The following ABAT variants were observed in gnomAD, a reference collection of about 807,000 sequenced individuals.
The protein encoded by ABAT is 4-aminobutyrate aminotransferase, mitochondrial.
Under a neutral mutation model 64.6 loss-of-function variants are expected in ABAT, and 45 were observed. The observed-to-expected ratio is 0.70, with a 90% CI of 0.55 to 0.89. The LOEUF (loss-of-function observed/expected upper bound fraction) is 0.89, where lower values mean the gene tolerates loss of function less well. Among genes scored for constraint, ABAT ranks in the 40% least tolerant of loss-of-function variants. The pLI, the probability that ABAT is intolerant of heterozygous loss-of-function variation, is 0.00. For missense variants in ABAT, 633 were observed against 658.4 expected (o/e 0.96, Z 0.42); for synonymous variants, 297 against 250.5 (o/e 1.19, Z -1.75).
intron 1 of ABAT, among the ~76,000 whole-genome samples, chr16:8,689,540 T>G (rs1462604352): frequency 6.6e-6 from 1 of 152,218 alleles, no homozygotes; most frequent in Non-Finnish European, 1.5e-5. Flanking sequence ...AACTTCTACC[T>G]TAAAGTGTAT....
Position 8,782,657 on chromosome 16 carries a change from G to A in ABAT, c.*1227G>A, listed in dbSNP as rs183287443. 6 of 152,390 alleles carry A rather than the reference G, an allele frequency of 3.9e-5. No individual in the cohort carries two copies. The highest frequency in any genetic ancestry group is 1.4e-4 in the African/African-American group (6 of 41,568). The allele number at this position is 152,390 out of a possible 1,614,324, so 9.4% of individuals were successfully genotyped here. A position where few individuals can be genotyped will look rare whatever the true frequency, so the allele number is the denominator to read the frequency against. On this transcript the variant is annotated 3_prime_UTR_variant, in exon 16 of 16. Coordinates refer to ENST00000268251, the MANE Select transcript of ABAT (RefSeq NM_020686.6). ...GCAGATGATACCGAAATGCTTAAAG[G>A]GGCTGTGGCTGAGGCTGTAGCATCT...
At chr16:8,730,814 T>A (rs2058696437) in intron 1 of ABAT, among the ~76,000 whole-genome samples, 1 of 152,216 alleles carries the variant, frequency 6.6e-6, no homozygotes, top group South Asian at 2.1e-4. Flanking sequence ...CCAGGACTCC[T>A]GAGCCAGATA....
intron 1 of ABAT, among the ~76,000 whole-genome samples, chr16:8,718,087 C>G (rs947350468): frequency 6.6e-6 from 1 of 152,214 alleles, no homozygotes; most frequent in Admixed American, 6.5e-5. Flanking sequence ...GGATAAGCCA[C>G]AACCCTCTCT....
chr16:8,722,175 C>T (rs2058391123), intron 1 of ABAT, among the ~76,000 whole-genome samples: 1 of 152,328 alleles, frequency 6.6e-6, no homozygotes, highest in Admixed American at 6.5e-5. Flanking sequence ...AGGCCTGGGG[C>T]TATAGCCTTG....
intron 1 of ABAT, among the ~76,000 whole-genome samples, chr16:8,675,478 C>G (rs535527600): frequency 6.6e-6 from 1 of 152,222 alleles, no homozygotes; most frequent in Admixed American, 6.5e-5. Flanking sequence ...CAAACCCCAT[C>G]CTAGTAACCC....
In ABAT at chr16:8,764,040, G is replaced by A. The variant is rs946173561; in HGVS notation, c.367-29G>A. Reference sequence around the variant, plus strand: ...AGGGAGCTGGGTCAGGCCCCCAGAAGTCACCATTTGTCTCTTGCCCTTTTG... The same window carrying A: ...AGGGAGCTGGGTCAGGCCCCCAGAAATCACCATTTGTCTCTTGCCCTTTTG... On this transcript the variant is annotated intron_variant, in intron 6 of 15. Transcript: ENST00000268251. This position sits in a 1 kb window ranked among gnomAD's most constrained non-coding sequence, Gnocchi z 4.2. 3.1e-6 allele frequency: 5 copies of A among 1,606,192 alleles called. No individual in the cohort carries two copies. The African/African-American group carries it at 6.7e-5, about 21-fold the overall frequency.
intron 1 of ABAT, among the ~76,000 whole-genome samples, chr16:8,726,536 C>T (rs752812769): frequency 1.5e-4 from 23 of 152,094 alleles, no homozygotes; most frequent in African/African-American, 4.1e-4. Flanking sequence ...TGAGCCACTG[C>T]GCTGAATAGT....
intron 1 of ABAT, among the ~76,000 whole-genome samples, chr16:8,719,045 G>C (rs776151343): frequency 6.6e-5 from 10 of 152,254 alleles, no homozygotes; most frequent in Admixed American, 5.9e-4. Flanking sequence ...TTCTCTGAAC[G>C]GGAAGTGCGT....
chr16:8,740,738 G>T (rs2059140315), intron 2 of ABAT, among the ~76,000 whole-genome samples: 1 of 152,234 alleles, frequency 6.6e-6, no homozygotes, highest in Non-Finnish European at 1.5e-5. Flanking sequence ...TTGGTAAATA[G>T]AATACAGAGA....
intron 1 of ABAT, among the ~76,000 whole-genome samples, chr16:8,717,910 C>T (rs906052727): frequency 7.2e-5 from 11 of 152,022 alleles, no homozygotes; most frequent in Non-Finnish European, 1.6e-4. Flanking sequence ...TCACCTTGGC[C>T]TCCCAACATG....
intron 3 of ABAT, among the ~76,000 whole-genome samples, 156 bp from the exon 4 acceptor site, chr16:8,747,923 GTAATGGAATAGTTTCCTGCCAACTATTTA>G (rs2059379133): frequency 6.6e-6 from 1 of 152,100 alleles, no homozygotes; most frequent in African/African-American, 2.4e-5. Context: ...ATTTAAGCGT[GTAATGGAATAGTTTCCTGCCAACTATTTA>G]TATCAAGTAA....
At position 8,735,709 on chromosome 16, in the gene ABAT, C is replaced by G. The variant is rs745997771; in HGVS notation, c.-31C>G. 1.1e-5 allele frequency: 17 copies of G among 1,573,724 alleles called. No homozygotes were observed. In the South Asian group the frequency reaches 2.0e-4, roughly 18 times the overall value. On this transcript the variant is annotated 5_prime_UTR_variant, in exon 2 of 16. Transcript: ENST00000268251. ...TCTGGTTTCTTTCAGGGTGGCAGCA[C>G]GCAAAGGGTGTCCCTGTCCCTCAAG... is the stretch of plus-strand genomic sequence containing the variant.
chr16:8,774,714 A>C (rs1400954707), intron 12 of ABAT, among the ~76,000 whole-genome samples, 176 bp from the exon 13 acceptor site: 1 of 152,108 alleles, frequency 6.6e-6, no homozygotes, highest in East Asian at 1.9e-4. Flanking sequence ...GCTCAGCTTA[A>C]GTGTTTTGAT....
intron 11 of ABAT, among the ~76,000 whole-genome samples, chr16:8,770,036 TAATGCAAGCCACATATGTAA>T (rs1325725501): frequency 1.3e-5 from 2 of 152,192 alleles, no homozygotes; most frequent in African/African-American, 4.8e-5. Flanking sequence ...AATAGAAATA[TAATGCAAGCCACATATGTAA>T]TTATAGCTTT....
At position 8,707,318 on chromosome 16, in the gene ABAT, C is replaced by T. The variant is rs531354371; in HGVS notation, c.-41-28381C>T. On this transcript the variant is annotated intron_variant, in intron 1 of 15. Transcript: ENST00000268251. ...CCTCCCACCTCAGCCTACCTTGTAGCTGGGACTATAGGCACACACTACCAT... is the reference window on the plus strand; with the variant it reads ...CCTCCCACCTCAGCCTACCTTGTAGTTGGGACTATAGGCACACACTACCAT... Among the ~76,000 whole-genome samples, 3 of 150,262 alleles carry T rather than the reference C, an allele frequency of 2.0e-5. No individual in the cohort carries two copies. The East Asian group carries it at 5.9e-4, about 30-fold the overall frequency.
At chr16:8,684,326 G>A (rs1242436066) in intron 1 of ABAT, among the ~76,000 whole-genome samples, 6 of 152,226 alleles carry the variant, frequency 3.9e-5, no homozygotes, top group East Asian at 1.9e-4. Context: ...CAATCCCAGC[G>A]CTTTGAGAGG....
Position 8,722,988 on chromosome 16 carries a change from C to T in ABAT, c.-41-12711C>T, listed in dbSNP as rs1567285616. On this transcript the variant is annotated intron_variant, in intron 1 of 15. Coordinates refer to ENST00000268251, the MANE Select transcript of ABAT (RefSeq NM_020686.6). ...GCAAGGTGGCTCATGCCTGTAATTC[C>T]AGCACTCTGGGAGGCCGAGGGATCA... 5 of 682,774 alleles carry T rather than the reference C, an allele frequency of 7.3e-6. No homozygotes were observed. The South Asian group carries it at 8.1e-5, about 11-fold the overall frequency. The allele number at this position is 682,774 out of a possible 1,614,324, so 42.3% of individuals were successfully genotyped here.
At chr16:8,677,627 C>A (rs1449051947) in intron 1 of ABAT, among the ~76,000 whole-genome samples, 1 of 152,102 alleles carries the variant, frequency 6.6e-6, no homozygotes, top group African/African-American at 2.4e-5. Context: ...TTCAGCAGCG[C>A]CTCTGGTCTC....
chr16:8,705,009 G>A (rs1376453014), intron 1 of ABAT, among the ~76,000 whole-genome samples: 1 of 152,050 alleles, frequency 6.6e-6, no homozygotes, highest in Non-Finnish European at 1.5e-5. Flanking sequence ...GAACATCTCT[G>A]AGCATAGAAC....
Sources: allele counts gnomAD v4.1 joint callset (sites outside exome capture counted in the v4.1 genomes callset), GRCh38; gene constraint gnomAD v4.1.1; non-coding constraint Gnocchi (gnomAD v3.1); transcripts MANE v1.5; gene names NCBI Gene and HGNC (gene_info 2026-07-23, HGNC 2026-07-21).